Variants in STMN4 observed in about 807,000 individuals in gnomAD.
The protein encoded by STMN4 is stathmin 4, also known as stathmin-4.
Under a neutral mutation model 29.1 loss-of-function variants are expected in STMN4, and 12 were observed. The ratio of observed to expected loss-of-function variants is 0.41; its 90% confidence interval spans 0.26 to 0.67. The LOEUF (loss-of-function observed/expected upper bound fraction) is 0.67. STMN4 is among the 30% of genes least tolerant of loss of function. The pLI is 0.30. For missense variants in STMN4, 181 were observed against 262.8 expected (o/e 0.69, Z 2.15); for synonymous variants, 114 against 105.3 (o/e 1.08, Z -0.51).
At chr8:27,258,123 G>C (rs1358958576) in intron 1 of STMN4, among the ~76,000 whole-genome samples, 1 of 152,110 alleles carries the variant, frequency 6.6e-6, no homozygotes, top group Non-Finnish European at 1.5e-5. Context: ...CCTCTCCTGA[G>C]CTCTGGAATA....
Position 27,241,272 on chromosome 8 carries a change from G to A in STMN4, c.191-10C>T. The A allele has an allele frequency of 1.2e-6, 2 of 1,614,084 alleles. No individual in the cohort carries two copies. ...AGGTCCACCGTGTCTGCTACAGAGG[G>A]CAGAGAAGGGGCTGCTCACGTCCTG... On this transcript the variant is annotated splice_polypyrimidine_tract_variant and intron_variant, in intron 4 of 6. Coordinates refer to ENST00000350889, the MANE Select transcript of STMN4 (RefSeq NM_030795.4).
chr8:27,239,750 C>A, intron 6 of STMN4: 1 of 1,492,608 alleles, frequency 6.7e-7, no homozygotes, highest in Non-Finnish European at 8.9e-7. Context: ...TGTAACTGTG[C>A]AGAATATCCC....
chr8:27,238,040 ACTACGAAT>A (rs1263517273), intron 6 of STMN4, among the ~76,000 whole-genome samples: 1 of 152,100 alleles, frequency 6.6e-6, no homozygotes, highest in East Asian at 1.9e-4. Flanking sequence ...TAAACTATAA[ACTACGAAT>A]CTGTCCCTGC....
intron 6 of STMN4, chr8:27,239,365 G>T: frequency 6.9e-7 from 1 of 1,448,804 alleles, no homozygotes; most frequent in Non-Finnish European, 9.3e-7. Flanking sequence ...TGAGGCCAGC[G>T]TGTTCTCAGC....
chr8:27,252,887 C>A (rs978234887), intron 1 of STMN4, among the ~76,000 whole-genome samples: 4 of 152,228 alleles, frequency 2.6e-5, no homozygotes, highest in African/African-American at 7.2e-5. Context: ...TGGGTGCATT[C>A]CATGCTTAAA....
At chr8:27,243,898 T>A in intron 1 of STMN4, 97 bp from the exon 2 acceptor site, 2 of 1,136,068 alleles carry the variant, frequency 1.8e-6, no homozygotes, top group Non-Finnish European at 1.3e-6. Flanking sequence ...ATCTCAGGGG[T>A]ACCTCATTTG....
chr8:27,249,841 C>T (rs768526776), intron 1 of STMN4, among the ~76,000 whole-genome samples: 5 of 152,170 alleles, frequency 3.3e-5, no homozygotes, highest in Non-Finnish European at 5.9e-5. Flanking sequence ...ACTGCCCATA[C>T]GACAGAATGA....
chr8:27,257,319 C>T (rs2130188921), intron 1 of STMN4, among the ~76,000 whole-genome samples: 1 of 152,278 alleles, frequency 6.6e-6, no homozygotes, highest in Admixed American at 6.5e-5. Context: ...AACCTCCCAC[C>T]CATCCCTCGA....
At chr8:27,257,713 C>T (rs1276171425) in intron 1 of STMN4, among the ~76,000 whole-genome samples, 1 of 152,028 alleles carries the variant, frequency 6.6e-6, no homozygotes, top group African/African-American at 2.4e-5. Flanking sequence ...TGGCCAGGGC[C>T]CCAGTCAAGG....
intron 1 of STMN4, among the ~76,000 whole-genome samples, chr8:27,251,375 GAAGTC>G (rs1801781377): frequency 6.6e-6 from 1 of 150,600 alleles, no homozygotes; most frequent in African/African-American, 2.4e-5. Context: ...CAGCATCACA[GAAGTC>G]AAGTTCAGGG....
chr8:27,256,697 CTT>C (rs1313506113), intron 1 of STMN4, among the ~76,000 whole-genome samples: 2 of 152,208 alleles, frequency 1.3e-5, no homozygotes, highest in Admixed American at 6.5e-5. Flanking sequence ...ATTTTCTACT[CTT>C]ATTCCATTTT....
chr8:27,258,186 G>A (rs973539287), intron 1 of STMN4, among the ~76,000 whole-genome samples, 165 bp downstream of exon 1: 2 of 152,148 alleles, frequency 1.3e-5, no homozygotes, highest in African/African-American at 2.4e-5. Flanking sequence ...CATTCTTTCT[G>A]CCTCACCCCC....
At chr8:27,241,306 A>G (rs771418099) in intron 4 of STMN4, 44 bp from the exon 5 acceptor site, 7 of 1,611,374 alleles carry the variant, frequency 4.3e-6, no homozygotes, top group African/African-American at 1.3e-5. Context: ...TGAAGAATGC[A>G]CAGGCACCCA....
Position 27,236,792 on chromosome 8 carries a change from G to T in STMN4, c.*54C>A, listed in dbSNP as rs1414112630. ...GCCGGCGGGCGAGGCTGCCTGGAAC[G>T]TGGAGCTGCTGGAGCTGTCCGGCTG... On this transcript the variant is annotated 3_prime_UTR_variant, in exon 7 of 7. Coordinates refer to ENST00000350889, the MANE Select transcript of STMN4 (RefSeq NM_030795.4). 6 of 1,498,622 alleles carry T rather than the reference G, an allele frequency of 4.0e-6. No homozygotes were observed. The highest frequency in any genetic ancestry group is 5.4e-6 in the Non-Finnish European group (6 of 1,120,380). 92.8% of individuals were successfully genotyped at this position (1,498,622 alleles called of 1,614,324 possible). A position where few individuals can be genotyped will look rare whatever the true frequency, so the allele number is the denominator to read the frequency against.
chr8:27,242,685 C>A (rs1801511614), intron 2 of STMN4, among the ~76,000 whole-genome samples, 193 bp from the exon 3 acceptor site: 1 of 152,182 alleles, frequency 6.6e-6, no homozygotes, highest in South Asian at 2.1e-4. Flanking sequence ...GGGATTCGAA[C>A]CCACTCCTGT....
At chr8:27,246,148 G>T (rs1354772367) in intron 1 of STMN4, among the ~76,000 whole-genome samples, 1 of 152,172 alleles carries the variant, frequency 6.6e-6, no homozygotes, top group African/African-American at 2.4e-5. Flanking sequence ...CTGGCCTGGG[G>T]ATATGAGTTA....
intron 5 of STMN4, among the ~76,000 whole-genome samples, chr8:27,240,560 AC>A (rs1256487303): frequency 1.3e-5 from 2 of 152,204 alleles, no homozygotes; most frequent in African/African-American, 4.8e-5. Context: ...TAAGGTGTAG[AC>A]AGGATGCACT....
intron 6 of STMN4, among the ~76,000 whole-genome samples, chr8:27,238,966 C>T (rs1801387470): frequency 1.3e-5 from 2 of 152,232 alleles, no homozygotes; most frequent in African/African-American, 4.8e-5. Flanking sequence ...TAAGAGTTTG[C>T]TCCAAGTCAT....
intron 1 of STMN4, among the ~76,000 whole-genome samples, chr8:27,244,508 T>G (rs2130093039): frequency 6.6e-6 from 1 of 152,200 alleles, no homozygotes; most frequent in Admixed American, 6.5e-5. Context: ...GCATGAGGAA[T>G]TGCTGTGGGA....
Sources: allele counts gnomAD v4.1 joint callset (sites outside exome capture counted in the v4.1 genomes callset), GRCh38; gene constraint gnomAD v4.1.1; transcripts MANE v1.5; gene names NCBI Gene and HGNC (gene_info 2026-07-23, HGNC 2026-07-21).